HOMER1: variants seen among roughly 807,000 people sequenced by gnomAD.
HOMER1 encodes the protein homer scaffold protein 1, also known as homer protein homolog 1.
HOMER1 carries 3 observed loss-of-function variants against 48.9 expected under a neutral mutation model. The observed-to-expected ratio is 0.06, with a 90% CI of 0.03 to 0.16. The LOEUF (loss-of-function observed/expected upper bound fraction) is 0.16. Among genes scored for constraint, HOMER1 ranks in the 10% least tolerant of loss-of-function variants. The pLI is 1.00. For synonymous variants in HOMER1, 134 were observed against 146.4 expected, an observed-to-expected ratio of 0.92 and a Z score of 0.61; for missense variants, 247 against 411.4, an observed-to-expected ratio of 0.60 and a Z score of 3.46.
intron 5 of HOMER1, among the ~76,000 whole-genome samples, chr5:79,408,281 C>A (rs547323781): frequency 2.6e-5 from 4 of 152,166 alleles, no homozygotes; most frequent in African/African-American, 9.6e-5. Flanking sequence ...AATCCTCATC[C>A]TAGAATTCTA....
At chr5:79,415,735 T>C (rs1193960869) in intron 5 of HOMER1, among the ~76,000 whole-genome samples, 1 of 152,254 alleles carries the variant, frequency 6.6e-6, no homozygotes, top group Non-Finnish European at 1.5e-5. Flanking sequence ...GTATAATGTA[T>C]GCCTTTATCA....
rs1222688182 is a variant in HOMER1, at chr5:79,446,957, C to T, written c.387+96G>A. The T allele has an allele frequency of 6.6e-5, 51 of 770,196 alleles. No homozygotes were observed. The South Asian group carries it at 7.4e-4, about 11-fold the overall frequency. The allele number at this position is 770,196 out of a possible 1,614,324, so 47.7% of individuals were successfully genotyped here. A position where few individuals can be genotyped will look rare whatever the true frequency, so the allele number is the denominator to read the frequency against. ...GTGTGAGCCACCACACTAAAGGGTG[C>T]ATTTCTGTGTGTACTTTGGAGATTT... On this transcript the variant is annotated intron_variant, in intron 4 of 8. Transcript: ENST00000334082.
intron 5 of HOMER1, among the ~76,000 whole-genome samples, chr5:79,415,761 T>C (rs548076875): frequency 6.6e-6 from 1 of 152,342 alleles, no homozygotes; most frequent in Admixed American, 6.5e-5. Flanking sequence ...TAAATATTTC[T>C]GAGTTTCGAA....
chr5:79,404,855 C>T (rs951201576), intron 5 of HOMER1, among the ~76,000 whole-genome samples: 5 of 144,868 alleles, frequency 3.5e-5, no homozygotes, highest in African/African-American at 1.3e-4. Flanking sequence ...CCCACCACCA[C>T]GCCCAGCTAT....
At chr5:79,408,637 G>A (rs939015882) in intron 5 of HOMER1, among the ~76,000 whole-genome samples, 3 of 152,028 alleles carry the variant, frequency 2.0e-5, no homozygotes, top group African/African-American at 4.8e-5. Context: ...ACTTCTATAA[G>A]ATATAAAACT....
At chr5:79,421,964 C>A (rs539329473) in intron 5 of HOMER1, among the ~76,000 whole-genome samples, 1 of 152,112 alleles carries the variant, frequency 6.6e-6, no homozygotes, top group Non-Finnish European at 1.5e-5. Context: ...CAGTGGCTCA[C>A]ACCTCTAATC....
chr5:79,453,697 T>C (rs1419822503), intron 2 of HOMER1, among the ~76,000 whole-genome samples: 1 of 152,202 alleles, frequency 6.6e-6, no homozygotes, highest in Non-Finnish European at 1.5e-5. Flanking sequence ...ATCCTGGCCC[T>C]TGACCATGCT....
intron 1 of HOMER1, among the ~76,000 whole-genome samples, chr5:79,496,588 C>T (rs1199688669): frequency 6.6e-6 from 1 of 152,122 alleles, no homozygotes; most frequent in African/African-American, 2.4e-5. Flanking sequence ...GCCAGTTCAC[C>T]ACCTAAATAT....
chr5:79,421,803 T>C (rs1159750288), intron 5 of HOMER1, among the ~76,000 whole-genome samples: 1 of 152,018 alleles, frequency 6.6e-6, no homozygotes, highest in African/African-American at 2.4e-5. Context: ...ACACGGTGTT[T>C]CTCCATGTTG....
chr5:79,446,974 T>G, intron 4 of HOMER1, 79 bp downstream of exon 4: 1 of 913,528 alleles, frequency 1.1e-6, no homozygotes, highest in African/African-American at 1.6e-5. Context: ...GTGTGTACTT[T>G]GGAGATTTAA....
At chr5:79,392,053 C>T (rs978784449) in intron 8 of HOMER1, among the ~76,000 whole-genome samples, 2 of 152,104 alleles carry the variant, frequency 1.3e-5, no homozygotes, top group Non-Finnish European at 2.9e-5. Context: ...AATAAATCTA[C>T]CGTGCTGTCA....
chr5:79,499,886 G>A (rs1021401176), intron 1 of HOMER1, among the ~76,000 whole-genome samples: 5 of 152,218 alleles, frequency 3.3e-5, no homozygotes, highest in African/African-American at 4.8e-5. Flanking sequence ...GTAAAATCAC[G>A]GTTCTTGCAT....
intron 8 of HOMER1, 94 bp downstream of exon 8, chr5:79,396,729 C>A: frequency 4.9e-6 from 3 of 608,536 alleles, no homozygotes; most frequent in South Asian, 2.7e-5. Flanking sequence ...GACCAAAAAC[C>A]TACAAAATGG....
At chr5:79,376,223 A>G in intron 8 of HOMER1, 26 bp from the exon 9 acceptor site, 1 of 1,522,234 alleles carries the variant, frequency 6.6e-7, no homozygotes, top group Non-Finnish European at 9.0e-7. Context: ...TGTAACATGT[A>G]TATATGTCAA....
At chr5:79,414,615 AT>A (rs1425941022) in intron 5 of HOMER1, among the ~76,000 whole-genome samples, 1 of 152,114 alleles carries the variant, frequency 6.6e-6, no homozygotes, top group East Asian at 1.9e-4. Context: ...CTGGACTCAA[AT>A]GATCCTCCTG....
chr5:79,459,918 T>G (rs1751270993), intron 1 of HOMER1, among the ~76,000 whole-genome samples: 2 of 152,092 alleles, frequency 1.3e-5, no homozygotes. Context: ...GAGGCTAGAA[T>G]GAAAAAATAG....
At chr5:79,502,894 C>T (rs556820460) in intron 1 of HOMER1, among the ~76,000 whole-genome samples, 3 of 152,234 alleles carry the variant, frequency 2.0e-5, no homozygotes, top group East Asian at 3.9e-4. Context: ...GGGTTCACGC[C>T]ATTCTCCTGC....
intron 5 of HOMER1, among the ~76,000 whole-genome samples, chr5:79,430,913 C>T (rs931692039): frequency 1.4e-4 from 21 of 151,342 alleles, no homozygotes; most frequent in Non-Finnish European, 2.4e-4. Flanking sequence ...CAGAGCAAGA[C>T]TCTGTCTCAA....
At chr5:79,438,660 C>T (rs1750658872) in intron 5 of HOMER1, among the ~76,000 whole-genome samples, 1 of 151,834 alleles carries the variant, frequency 6.6e-6, no homozygotes, top group Admixed American at 6.6e-5. Flanking sequence ...AAAATAGAAA[C>T]CAGGTTAATA....
Sources: allele counts gnomAD v4.1 joint callset (sites outside exome capture counted in the v4.1 genomes callset), GRCh38; gene constraint gnomAD v4.1.1; transcripts MANE v1.5; gene names NCBI Gene and HGNC (gene_info 2026-07-23, HGNC 2026-07-21).